Variants in WDR36 observed in about 807,000 individuals in gnomAD.
WDR36 encodes the protein WD repeat domain 36.
A neutral mutation model predicts 112.7 loss-of-function variants in WDR36; 63 were observed. The observed-to-expected ratio is 0.56, with a 90% CI of 0.46 to 0.69. The LOEUF (loss-of-function observed/expected upper bound fraction) is 0.69. WDR36 is among the 30% of genes least tolerant of loss of function. The pLI, the probability that WDR36 is intolerant of heterozygous loss-of-function variation, is 0.00. For synonymous variants in WDR36, 410 were observed against 362.2 expected (o/e 1.13, Z -1.50); for missense variants, 1,226 against 1,070.3 (o/e 1.15, Z -2.03).
chr5:111,095,072 A>AT, intron 2 of WDR36, 125 bp downstream of exon 2: 1 of 852,774 alleles, frequency 1.2e-6, no homozygotes, highest in Non-Finnish European at 1.8e-6. Context: ...AACTTACATT[A>AT]TCAGCAACAA....
rs987985753 is a variant in WDR36, at chr5:111,113,163, T to A, written c.1796+10T>A. ...ACCTTCCTTCTGGGTGGTAAGTTTA[T>A]ATTTCTAATTCCCTAACCTCTATAA... On this transcript the variant is annotated intron_variant, in intron 16 of 22. Transcript: ENST00000513710. 3.3e-6 allele frequency: 5 copies of A among 1,524,998 alleles called. No homozygotes were observed. In the East Asian group the frequency reaches 1.2e-4, roughly 35 times the overall value. The allele number at this position is 1,524,998 out of a possible 1,614,324, so 94.5% of individuals were successfully genotyped here.
At chr5:111,112,053 A>G (rs1266180889) in intron 15 of WDR36, among the ~76,000 whole-genome samples, 1 of 151,914 alleles carries the variant, frequency 6.6e-6, no homozygotes, top group Non-Finnish European at 1.5e-5. Flanking sequence ...TGGTCAGGAC[A>G]TTGTGTTCTG....
At chr5:111,112,368 C>A (rs1198144674) in intron 15 of WDR36, among the ~76,000 whole-genome samples, 1 of 151,932 alleles carries the variant, frequency 6.6e-6, no homozygotes, top group Non-Finnish European at 1.5e-5. Flanking sequence ...ATTGATCTAT[C>A]TATAACTTGA....
rs1176701368 is a variant in WDR36, at chr5:111,092,490, G to A, written c.34G>A (p.Ala12Thr). 1.7e-5 allele frequency: 27 copies of A among 1,614,120 alleles called. No individual in the cohort carries two copies. The highest frequency in any genetic ancestry group is 2.3e-5 in the Non-Finnish European group (27 of 1,180,052). The change falls in exon 1 of 23, where the codon GCG becomes ACG. Residue 12 changes from alanine to threonine, a missense_variant. Ala to Thr is a moderately conservative substitution (Grantham distance 58). Transcript: ENST00000513710. ...ERASERRTAS[A>T]LFAGFRALGL... ...GGCCTCAGAAAGGCGCACGGCCAGC[G>A]CGCTTTTTGCGGGGTTCCGGGCCTT...
At chr5:111,114,542 G>A (rs550156181) in intron 16 of WDR36, among the ~76,000 whole-genome samples, 1 of 152,290 alleles carries the variant, frequency 6.6e-6, no homozygotes, top group South Asian at 2.1e-4. Flanking sequence ...GCTAACGATT[G>A]TCACTAGTGG....
intron 19 of WDR36, among the ~76,000 whole-genome samples, chr5:111,123,583 TTCTGCCTTA>T (rs1753613715): frequency 6.6e-6 from 1 of 152,238 alleles, no homozygotes; most frequent in Non-Finnish European, 1.5e-5. Flanking sequence ...GTCACTTTTT[TTCTGCCTTA>T]TCGGCAAGGG....
At position 111,129,943 on chromosome 5, in the gene WDR36, C is replaced by T. The variant is rs903405050; in HGVS notation, c.*3060C>T. The T allele has an allele frequency of 4.8e-6, 1 of 210,466 alleles. No individual in the cohort carries two copies. The highest frequency in any genetic ancestry group is 2.3e-5 in the African/African-American group (1 of 44,030). 13.0% of individuals were successfully genotyped at this position (210,466 alleles called of 1,614,324 possible). On this transcript the variant is annotated 3_prime_UTR_variant, in exon 23 of 23. Transcript: ENST00000513710. ...AAATTCATTTATTGAAAAGTCCACT[C>T]ATATGTCTGATTTGAAATGCTGTTT...
intron 4 of WDR36, 95 bp downstream of exon 4, chr5:111,098,934 C>G: frequency 1.1e-6 from 1 of 906,790 alleles, no homozygotes; most frequent in Non-Finnish European, 1.8e-6. Context: ...GAGATTTTGC[C>G]TGTAAATAGT....
intron 19 of WDR36, among the ~76,000 whole-genome samples, chr5:111,122,505 G>C (rs1031857899): frequency 6.6e-5 from 10 of 152,086 alleles, no homozygotes; most frequent in African/African-American, 2.4e-4. Flanking sequence ...ATAATTTCCA[G>C]GGCACTGTGG....
chr5:111,117,969 A>T (rs1237014997), intron 16 of WDR36, among the ~76,000 whole-genome samples: 2 of 152,068 alleles, frequency 1.3e-5, no homozygotes, highest in African/African-American at 4.8e-5. Flanking sequence ...CCACCATCCT[A>T]GTTATCTTTG....
At chr5:111,098,441 G>T (rs1305140067) in intron 3 of WDR36, among the ~76,000 whole-genome samples, 1 of 152,168 alleles carries the variant, frequency 6.6e-6, no homozygotes. Flanking sequence ...GTGTGTGCAT[G>T]CCTCCTCTCT....
At chr5:111,104,107 A>C in intron 7 of WDR36, 70 bp from the exon 8 acceptor site, 1 of 1,465,464 alleles carries the variant, frequency 6.8e-7, no homozygotes, top group South Asian at 1.2e-5. Flanking sequence ...AAAAGGGAAG[A>C]GAGAAGAATT....
intron 5 of WDR36, among the ~76,000 whole-genome samples, chr5:111,101,639 C>A (rs1397862478): frequency 6.6e-6 from 1 of 151,676 alleles, no homozygotes; most frequent in Admixed American, 6.6e-5. Flanking sequence ...TTTTAAAAAG[C>A]AAACAAAAAT....
chr5:111,102,511 T>C, intron 6 of WDR36, 112 bp downstream of exon 6: 1 of 1,078,546 alleles, frequency 9.3e-7, no homozygotes, highest in East Asian at 2.4e-5. Flanking sequence ...ATAGCTTAGT[T>C]TACCTTTAAA....
intron 15 of WDR36, among the ~76,000 whole-genome samples, chr5:111,112,063 G>A (rs550313682): frequency 3.7e-4 from 56 of 152,044 alleles, no homozygotes; most frequent in African/African-American, 1.3e-3. Context: ...ATTGTGTTCT[G>A]CAGATAGGAG....
intron 2 of WDR36, among the ~76,000 whole-genome samples, chr5:111,095,405 A>C (rs1752953857): frequency 6.6e-6 from 1 of 152,174 alleles, no homozygotes; most frequent in Non-Finnish European, 1.5e-5. Flanking sequence ...GTAACGAATA[A>C]GTATCTTTTG....
chr5:111,110,304 G>A lies in WDR36; in HGVS notation c.1441+1G>A, dbSNP rs1217054781. On this transcript the variant is annotated splice_donor_variant, in intron 13 of 22. Transcript: ENST00000513710. LOFTEE classifies it high-confidence loss of function. Reference sequence around the variant, plus strand: ...CGAGGAAGTTTTGGCAAGGATCAAGGTAGAGAATTTTTTTCCTTGTTTTTT... The same window carrying A: ...CGAGGAAGTTTTGGCAAGGATCAAGATAGAGAATTTTTTTCCTTGTTTTTT... 1 of 1,607,194 alleles carries A rather than the reference G, an allele frequency of 6.2e-7. No homozygotes were observed. The highest frequency in any genetic ancestry group is 1.3e-5 in the African/African-American group (1 of 74,606).
At chr5:111,099,583 A>G (rs1235984702) in intron 4 of WDR36, among the ~76,000 whole-genome samples, 1 of 149,366 alleles carries the variant, frequency 6.7e-6, no homozygotes, top group Non-Finnish European at 1.5e-5. Flanking sequence ...AAGTAGAGGG[A>G]GGGAACAGAA....
chr5:111,101,004 G>A (rs1380237144), intron 5 of WDR36, among the ~76,000 whole-genome samples: 1 of 151,930 alleles, frequency 6.6e-6, no homozygotes, highest in Admixed American at 6.6e-5. Flanking sequence ...GGTCTTATAA[G>A]TAAGCTAGAG....
Sources: gnomAD v4.1 joint callset for allele counts (sites outside exome capture counted in the v4.1 genomes callset) on GRCh38, gnomAD v4.1.1 for gene constraint, MANE v1.5 for transcripts, NCBI Gene and HGNC (gene_info 2026-07-23, HGNC 2026-07-21) for gene names.